Variants in AMBRA1 observed in about 807,000 individuals in gnomAD.
AMBRA1 encodes the protein activating molecule in BECN1-regulated autophagy protein 1.
In AMBRA1, 47 loss-of-function variants were observed where a neutral mutation model predicts 125.4. That is an observed-to-expected ratio of 0.37 (90% confidence interval 0.30 to 0.48). The LOEUF is 0.48. AMBRA1 is among the 20% of genes least tolerant of loss of function. The pLI, the probability that AMBRA1 is intolerant of heterozygous loss-of-function variation, is 0.99. For synonymous variants in AMBRA1, 626 were observed against 655.5 expected, an observed-to-expected ratio of 0.95 and a Z score of 0.69; for missense variants, 1,331 against 1,693.4, an observed-to-expected ratio of 0.79 and a Z score of 3.76.
rs577308512 is a variant in AMBRA1 at position 46,546,113 on chromosome 11, G to A, written c.379-337C>T. The A allele has an allele frequency of 4.3e-5, 7 of 163,580 alleles. No homozygotes were observed. In the South Asian group the frequency reaches 1.0e-3, roughly 24 times the overall value. The allele number at this position is 163,580 out of a possible 1,614,324, so 10.1% of individuals were successfully genotyped here. ...TGCAGTGGCACAATCTCAGCACACT[G>A]CAACCTCTGCCTCCTAGGCTCAAGC... is the stretch of plus-strand genomic sequence containing the variant. On this transcript the variant is annotated intron_variant, in intron 4 of 17. Coordinates refer to ENST00000683756, the MANE Select transcript of AMBRA1 (RefSeq NM_001387011.1).
rs2044697884 is a variant in AMBRA1 at position 46,593,959 on chromosome 11, G to A, written c.-252C>T. 5 of 398,540 alleles carry A rather than the reference G, an allele frequency of 1.3e-5. No homozygotes were observed. Among genetic ancestry groups the A allele is most frequent in the South Asian group, 2.5e-4 (2 of 7,862 alleles). 24.7% of individuals were successfully genotyped at this position (398,540 alleles called of 1,614,324 possible). A position where few individuals can be genotyped will look rare whatever the true frequency, so the allele number is the denominator to read the frequency against. On this transcript the variant is annotated 5_prime_UTR_variant, in exon 1 of 18. Transcript: ENST00000683756. ...GCAGGAGAAGGCGGCTTGAGCGCGGGGCCTCGCGGACAACTCAGCCCTCGA... is the reference window on the plus strand; with the variant it reads ...GCAGGAGAAGGCGGCTTGAGCGCGGAGCCTCGCGGACAACTCAGCCCTCGA...
chr11:46,459,063 A>AC (rs1485548401), intron 11 of AMBRA1, among the ~76,000 whole-genome samples: 2 of 152,232 alleles, frequency 1.3e-5, no homozygotes, highest in Non-Finnish European at 2.9e-5. Flanking sequence ...CATCGGGAAG[A>AC]AAATAGGTGA....
At chr11:46,456,216 T>C (rs1948836960) in intron 11 of AMBRA1, among the ~76,000 whole-genome samples, 1 of 151,790 alleles carries the variant, frequency 6.6e-6, no homozygotes, top group South Asian at 2.1e-4. Flanking sequence ...TAAGGAAAAA[T>C]GGGGGAAAAA....
intron 1 of AMBRA1, among the ~76,000 whole-genome samples, chr11:46,593,539 T>A (rs1205658370): frequency 2.0e-5 from 3 of 152,080 alleles, no homozygotes; most frequent in Non-Finnish European, 4.4e-5. Context: ...TGCGCAAAGC[T>A]CTATCGGTTC....
chr11:46,518,119 A>G, intron 7 of AMBRA1: 1 of 985,124 alleles, frequency 1.0e-6, no homozygotes, highest in Non-Finnish European at 1.2e-6. Flanking sequence ...AGAAAGAGAT[A>G]GCCATTTGTT....
chr11:46,510,292 G>C (rs1207503038), intron 8 of AMBRA1, among the ~76,000 whole-genome samples: 1 of 152,186 alleles, frequency 6.6e-6, no homozygotes, highest in Non-Finnish European at 1.5e-5. Flanking sequence ...TTGGGCCCCT[G>C]TTCCCATGCA....
At position 46,397,911 on chromosome 11, in the gene AMBRA1, C is replaced by A; in HGVS notation, c.3436G>T (p.Asp1146Tyr). The change falls in exon 18 of 18, where the codon GAT becomes TAT. Residue 1146 changes from aspartate to tyrosine, a missense_variant. This residue lies in a region of AMBRA1 where 354 missense variants were observed against 532.7 expected (regional missense o/e 0.66). Coordinates refer to ENST00000683756, the MANE Select transcript of AMBRA1 (RefSeq NM_001387011.1). ...EGSEYGASGEDALSRIQRLMA... is the reference protein window; with the variant it reads ...EGSEYGASGEYALSRIQRLMA... ...AGCCTCTGGATCCTGCTGAGCGCAT[C>A]TTCTCCACTGGCACCATACTCTGAA... 6.3e-7 allele frequency: 1 copy of A among 1,598,394 alleles called. No individual in the cohort carries two copies. The highest frequency in any genetic ancestry group is 8.5e-7 in the Non-Finnish European group (1 of 1,178,914).
chr11:46,428,024 A>G (rs1947241319), intron 14 of AMBRA1, among the ~76,000 whole-genome samples: 1 of 151,474 alleles, frequency 6.6e-6, no homozygotes, highest in Non-Finnish European at 1.5e-5. Flanking sequence ...AAAAAAAAAA[A>G]AAAAAAAGTA....
intron 9 of AMBRA1, 27 bp from the exon 10 acceptor site, chr11:46,494,231 AAG>A: frequency 1.3e-6 from 2 of 1,551,816 alleles, no homozygotes; most frequent in South Asian, 1.2e-5. Context: ...CACTACACAT[AAG>A]AGAGTCACTA....
intron 7 of AMBRA1, among the ~76,000 whole-genome samples, chr11:46,529,534 C>T (rs1277663951): frequency 1.4e-4 from 21 of 152,276 alleles, no homozygotes. Flanking sequence ...CACACCTAAC[C>T]ATCAACACTT....
intron 13 of AMBRA1, among the ~76,000 whole-genome samples, 171 bp downstream of exon 13, chr11:46,434,678 C>T (rs1040807924): frequency 7.2e-5 from 11 of 152,222 alleles, no homozygotes; most frequent in African/African-American, 2.7e-4. Context: ...GATGCTTCTG[C>T]AATGTTACTA....
intron 1 of AMBRA1, among the ~76,000 whole-genome samples, chr11:46,570,227 A>G (rs1379609858): frequency 2.1e-5 from 3 of 140,578 alleles, no homozygotes; most frequent in Non-Finnish European, 4.5e-5. Flanking sequence ...GCACCATTGA[A>G]CTCCAGCCTG....
At chr11:46,534,962 C>T (rs1315717450) in intron 7 of AMBRA1, among the ~76,000 whole-genome samples, 1 of 152,242 alleles carries the variant, frequency 6.6e-6, no homozygotes, top group Non-Finnish European at 1.5e-5. Context: ...GCATGAGCCA[C>T]CACACCCAGC....
chr11:46,510,507 C>T (rs958874138), intron 8 of AMBRA1, among the ~76,000 whole-genome samples: 2 of 151,950 alleles, frequency 1.3e-5, no homozygotes, highest in African/African-American at 2.4e-5. Context: ...TATTTGGAAC[C>T]GATTCTGAAA....
rs1157368065 is a variant in AMBRA1 at position 46,585,665 on chromosome 11, CAAAAAAAAAAAA to C, written c.-121+8151_-121+8162del. On this transcript the variant is annotated intron_variant, in intron 1 of 17. Transcript: ENST00000683756. ...TGGGTGACAGAGCAAGACTCCATCT[CAAAAAAAAAAAA>C]AAAAAAAAAAAAAAAAAAATATATA... Among the ~76,000 whole-genome samples, 51 of 7,564 alleles carry C rather than the reference CAAAAAAAAAAAA, an allele frequency of 6.7e-3. No individual in the cohort carries two copies. The East Asian group carries it at 0.069, about 10-fold the overall frequency. The allele number at this position is 7,564 out of a possible 152,430, so 5.0% of individuals were successfully genotyped here. A position where few individuals can be genotyped will look rare whatever the true frequency, so the allele number is the denominator to read the frequency against.
chr11:46,526,765 G>A (rs1254617555), intron 7 of AMBRA1, among the ~76,000 whole-genome samples: 1 of 152,016 alleles, frequency 6.6e-6, no homozygotes, highest in Non-Finnish European at 1.5e-5. Context: ...AACTGAATCG[G>A]TTTTAAGTCA....
At chr11:46,429,249 C>A in intron 14 of AMBRA1, 1 of 967,162 alleles carries the variant, frequency 1.0e-6, no homozygotes, top group Non-Finnish European at 1.6e-6. Flanking sequence ...AAGCCTCCAG[C>A]CCCTATCGCT....
At position 46,415,578 on chromosome 11, in the gene AMBRA1, T is replaced by G. The variant is rs1946502724; in HGVS notation, c.3116+2335A>C. On this transcript the variant is annotated intron_variant, in intron 15 of 17. Coordinates refer to ENST00000683756, the MANE Select transcript of AMBRA1 (RefSeq NM_001387011.1). ...TTCCTTGCCTAAGCTTTGAAGAACT[T>G]AAGTCATGTCCATGTCCAATTTATA... Among the ~76,000 whole-genome samples, 2 of 152,222 alleles carry G rather than the reference T, an allele frequency of 1.3e-5. 1 individual carries two copies. Among genetic ancestry groups the G allele is most frequent in the South Asian group, 4.1e-4 (2 of 4,832 alleles).
chr11:46,542,705 G>A lies in AMBRA1; in HGVS notation c.1312C>T (p.Pro438Ser). ...CTCACCGAAGAGGCACTGGTTCTGG[G>A]CGGGGGCATGGATTCCGCCTCAGAG... is the stretch of plus-strand genomic sequence containing the variant. ...SRSEAESMPP[P>S]RTSASSVSLL... The change falls in exon 7 of 18, where the codon CCC (proline) becomes TCC (serine). Residue 438 changes from proline (P) to serine (S), a missense_variant. Pro to Ser is a moderately conservative substitution (Grantham distance 74, BLOSUM62 -1). Coordinates refer to ENST00000683756, the MANE Select transcript of AMBRA1 (RefSeq NM_001387011.1). The surrounding 1 kb of genome is among the most constrained non-coding windows in gnomAD (Gnocchi z 5.9). The A allele has an allele frequency of 6.2e-7, 1 of 1,614,104 alleles. No individual in the cohort carries two copies. The highest frequency in any genetic ancestry group is 1.6e-4 in the Middle Eastern group (1 of 6,062).
Sources: gnomAD v4.1 joint callset for allele counts (sites outside exome capture counted in the v4.1 genomes callset) on GRCh38, gnomAD v4.1.1 for gene constraint, gnomAD v4.1.1 regional missense constraint, Gnocchi (gnomAD v3.1) non-coding constraint, MANE v1.5 for transcripts, NCBI Gene and HGNC (gene_info 2026-07-23, HGNC 2026-07-21) for gene names.